Variants in SEMA3A observed in about 807,000 individuals in gnomAD.
SEMA3A encodes semaphorin 3A, also known as semaphorin-3A.
Under a neutral mutation model 97.9 loss-of-function variants are expected in SEMA3A, and 29 were observed. The observed-to-expected ratio is 0.30, with a 90% confidence interval of 0.22 to 0.40. SEMA3A has a LOEUF of 0.40. Ranked by LOEUF, SEMA3A falls within the 10% of genes least tolerant of loss-of-function variation. The probability of loss-of-function intolerance (pLI) is 1.00; values close to 1 mark genes in which losing one functional copy is unlikely to be tolerated. For missense variants in SEMA3A, 763 were observed against 951.3 expected (o/e 0.80, Z 2.60); for synonymous variants, 321 against 323.7 (o/e 0.99, Z 0.09).
At position 84,051,437 on chromosome 7, in the gene SEMA3A, G is replaced by A. The variant is rs540672840; in HGVS notation, c.548-4994C>T. Among the ~76,000 whole-genome samples the A allele has an allele frequency of 8.5e-4, 129 of 152,244 alleles. 3 individuals carry two copies. The highest frequency in any genetic ancestry group is 7.8e-3 in the Admixed American group (120 of 15,290). On this transcript the variant is annotated intron_variant, in intron 5 of 16. Transcript: ENST00000265362. ...AAGAGGTCCTTCACATCCCTTGTAA[G>A]TTGGATTCCTAGGTATTTTATTCTC...
intron 1 of SEMA3A, among the ~76,000 whole-genome samples, chr7:84,396,109 A>C (rs1306118740): frequency 6.6e-6 from 1 of 152,122 alleles, no homozygotes; most frequent in Admixed American, 6.6e-5. Flanking sequence ...AGGCTGAATT[A>C]AGTGTAATTA....
At chr7:84,088,088 G>C (rs569403666) in intron 4 of SEMA3A, among the ~76,000 whole-genome samples, 2 of 152,184 alleles carry the variant, frequency 1.3e-5, no homozygotes, top group Non-Finnish European at 2.9e-5. Context: ...CTGAGGGCGG[G>C]AAACATGTTA....
rs1317122142 is a variant in SEMA3A, at chr7:84,365,688, CT to C, written c.-169+6135del. Among the ~76,000 whole-genome samples, 16 of 150,940 alleles carry C rather than the reference CT, an allele frequency of 1.1e-4. No homozygotes were observed. The South Asian group carries it at 1.7e-3, about 16-fold the overall frequency. On this transcript the variant is annotated intron_variant, in intron 2 of 3. Coordinates refer to the SEMA3A transcript ENST00000424555. ...TCATATTAACACTTTTATATTCTTA[CT>C]TTTTTTTGCTGCAACAACTTCAAAA...
At chr7:84,177,940 T>G (rs1463746110) in intron 1 of SEMA3A, among the ~76,000 whole-genome samples, 1 of 152,142 alleles carries the variant, frequency 6.6e-6, no homozygotes, top group Non-Finnish European at 1.5e-5. Context: ...TCCTAATGTA[T>G]ACATATTGGC....
intron 3 of SEMA3A, among the ~76,000 whole-genome samples, chr7:84,273,677 G>A (rs376410437): frequency 1.3e-5 from 2 of 152,094 alleles, no homozygotes; most frequent in East Asian, 3.9e-4. Flanking sequence ...GGGAGCAATT[G>A]CATGGTGATT....
intron 5 of SEMA3A, among the ~76,000 whole-genome samples, chr7:84,059,753 G>T (rs537905398): frequency 6.6e-6 from 1 of 151,374 alleles, no homozygotes; most frequent in South Asian, 2.1e-4. Flanking sequence ...TTGTTGGTAT[G>T]CTCAAAATTT....
At chr7:84,111,294 G>A (rs1795270679) in intron 3 of SEMA3A, among the ~76,000 whole-genome samples, 1 of 152,160 alleles carries the variant, frequency 6.6e-6, no homozygotes, top group Admixed American at 6.5e-5. Context: ...GGACTGGGTT[G>A]TTCCTGGCAC....
intron 1 of SEMA3A, among the ~76,000 whole-genome samples, chr7:84,416,913 C>T (rs759899831): frequency 6.6e-6 from 1 of 152,088 alleles, no homozygotes; most frequent in Non-Finnish European, 1.5e-5. Context: ...GATGGAGTTG[C>T]AGCTATAATA....
At chr7:84,052,739 T>C (rs943213388) in intron 5 of SEMA3A, among the ~76,000 whole-genome samples, 1 of 151,310 alleles carries the variant, frequency 6.6e-6, no homozygotes, top group Non-Finnish European at 1.5e-5. Flanking sequence ...TTTAGTTATT[T>C]CTTGCCTTCT....
intron 14 of SEMA3A, among the ~76,000 whole-genome samples, chr7:83,977,820 T>C (rs1241202137): frequency 2.0e-5 from 3 of 150,672 alleles, no homozygotes; most frequent in Non-Finnish European, 4.4e-5. Flanking sequence ...TTTTTTTTTT[T>C]TGAGACAGAA....
At chr7:84,297,399 T>G (rs991958377) in intron 3 of SEMA3A, among the ~76,000 whole-genome samples, 1 of 152,142 alleles carries the variant, frequency 6.6e-6, no homozygotes, top group African/African-American at 2.4e-5. Flanking sequence ...TTTTTTTGAC[T>G]TCACAATTTT....
chr7:84,032,057 G>A (rs2116466867), intron 6 of SEMA3A, among the ~76,000 whole-genome samples: 1 of 152,214 alleles, frequency 6.6e-6, no homozygotes, highest in South Asian at 2.1e-4. Context: ...CATTTACACA[G>A]TGAAATAAAA....
At chr7:84,374,517 G>A (rs899852672) in intron 1 of SEMA3A, among the ~76,000 whole-genome samples, 5 of 152,148 alleles carry the variant, frequency 3.3e-5, no homozygotes, top group African/African-American at 1.2e-4. Context: ...AAAGGACAAT[G>A]ACCATCTAGT....
chr7:83,967,843 G>T (rs1788765389), intron 15 of SEMA3A, among the ~76,000 whole-genome samples: 1 of 152,136 alleles, frequency 6.6e-6, no homozygotes, highest in Non-Finnish European at 1.5e-5. Context: ...ATAGGGTACA[G>T]TGTGATATTT....
At chr7:84,056,986 A>T (rs928345390) in intron 5 of SEMA3A, among the ~76,000 whole-genome samples, 2 of 152,220 alleles carry the variant, frequency 1.3e-5, no homozygotes, top group African/African-American at 4.8e-5. Flanking sequence ...ATACTGCCAT[A>T]CCATTTCAGG....
chr7:84,009,905 C>CAAAAAAAAA (rs3074687), intron 9 of SEMA3A, among the ~76,000 whole-genome samples: 5 of 91,696 alleles, frequency 5.5e-5, no homozygotes, highest in African/African-American at 1.7e-4. Context: ...ACACTGGTTA[C>CAAAAAAAAA]AAAAAAAAAA....
intron 3 of SEMA3A, among the ~76,000 whole-genome samples, chr7:84,279,607 G>C (rs187921362): frequency 6.6e-6 from 1 of 152,260 alleles, no homozygotes; most frequent in African/African-American, 2.4e-5. Flanking sequence ...AATTGAATTT[G>C]GGGCAAAGGT....
At chr7:84,249,783 TA>T (rs200411097) in intron 3 of SEMA3A, among the ~76,000 whole-genome samples, 12,902 of 140,006 alleles carry the variant, frequency 0.092, 690 homozygotes, top group East Asian at 0.3. Flanking sequence ...GATTCCTTTC[TA>T]AAAAAAAAAA....
At chr7:84,313,224 A>G (rs1330439178) in intron 2 of SEMA3A, among the ~76,000 whole-genome samples, 1 of 144,602 alleles carries the variant, frequency 6.9e-6, no homozygotes, top group Admixed American at 7.0e-5. Context: ...AATTTAAAAT[A>G]TTTCCCTCTC....
Sources: allele counts gnomAD v4.1 joint callset (sites outside exome capture counted in the v4.1 genomes callset), GRCh38; gene constraint gnomAD v4.1.1; transcripts MANE v1.5; gene names NCBI Gene and HGNC (gene_info 2026-07-23, HGNC 2026-07-21).